Variants in SMG7 observed in about 807,000 individuals in gnomAD.
SMG7 encodes SMG7 nonsense mediated mRNA decay factor.
A neutral mutation model predicts 148.2 loss-of-function variants in SMG7; 34 were observed. The observed-to-expected ratio is 0.23, with a 90% CI of 0.17 to 0.31. The LOEUF (loss-of-function observed/expected upper bound fraction) is 0.31, where lower values mean the gene tolerates loss of function less well. SMG7 is among the 10% of genes least tolerant of loss of function. SMG7 has a pLI of 1.00. For synonymous variants in SMG7, 492 were observed against 515.1 expected, an observed-to-expected ratio of 0.96 and a Z score of 0.61; for missense variants, 1,114 against 1,408.4, an observed-to-expected ratio of 0.79 and a Z score of 3.35.
chr1:183,553,406 G>A lies in SMG7; in HGVS notation c.*1475G>A. On this transcript the variant is annotated 3_prime_UTR_variant, in exon 23 of 23. Transcript: ENST00000688051. ...CTCCTTTGTGTGTCTGTATGTTTGT[G>A]TACACACACGTGCCCATCTGCTGTC... 1 of 571,236 alleles carries A rather than the reference G, an allele frequency of 1.8e-6. No individual in the cohort carries two copies. Among genetic ancestry groups the A allele is most frequent in the Non-Finnish European group, 3.1e-6 (1 of 327,168 alleles). The allele number at this position is 571,236 out of a possible 1,614,324, so 35.4% of individuals were successfully genotyped here.
intron 10 of SMG7, among the ~76,000 whole-genome samples, chr1:183,536,509 C>T (rs949594693): frequency 6.6e-6 from 1 of 152,210 alleles, no homozygotes; most frequent in Non-Finnish European, 1.5e-5. Flanking sequence ...TAACATACCT[C>T]ACTCAGGAAC....
Position 183,542,519 on chromosome 1 carries a change from C to T in SMG7, c.1842+17C>T. ...GCAGTGCAGGTAAGCTGTATTTGAA[C>T]TATAAAGCAGGTAGAGGAAGGCTCA... is the stretch of plus-strand genomic sequence containing the variant. On this transcript the variant is annotated intron_variant, in intron 14 of 22. Transcript: ENST00000688051. 4 of 1,594,912 alleles carry T rather than the reference C, an allele frequency of 2.5e-6. No homozygotes were observed. The highest frequency in any genetic ancestry group is 3.4e-6 in the Non-Finnish European group (4 of 1,170,706).
At position 183,529,523 on chromosome 1, in the gene SMG7, A is replaced by G. The variant is rs146885503; in HGVS notation, c.833A>G (p.Glu278Gly). Residue 278 changes from glutamate (E) to glycine (G), a missense_variant, in exon 8 of 23, where the codon GAA (glutamate) becomes GGA (glycine). Physicochemically the swap from Glu to Gly is moderately conservative, Grantham distance 98. This residue lies in a region of SMG7 where 216 missense variants were observed against 329.1 expected (regional missense o/e 0.66). Transcript: ENST00000688051. The stretch of plus-strand genomic sequence containing the variant: ...AGCCCTCTTCGAGAGAAATTGGAAG[A>G]ACAGTTTAAGGTTAGATTTCAGAAA... ...KLSPLREKLE[E>G]QFKRLLFQKA... 72 of 1,612,306 alleles carry G rather than the reference A, an allele frequency of 4.5e-5. No homozygotes were observed. The African/African-American group carries it at 9.1e-4, about 20-fold the overall frequency.
At chr1:183,529,650 T>C (rs1666519608) in intron 8 of SMG7, 117 bp downstream of exon 8, 2 of 758,618 alleles carry the variant, frequency 2.6e-6, no homozygotes, top group Non-Finnish European at 4.2e-6. Context: ...TGGTAAAAAT[T>C]ATATTCGAAG....
intron 1 of SMG7, among the ~76,000 whole-genome samples, chr1:183,503,347 T>G (rs1421582149): frequency 6.6e-6 from 1 of 152,232 alleles, no homozygotes; most frequent in African/African-American, 2.4e-5. Context: ...TATAATTGTC[T>G]TGATATATCA....
At chr1:183,494,395 G>T (rs1229635872) in intron 1 of SMG7, among the ~76,000 whole-genome samples, 9 of 146,684 alleles carry the variant, frequency 6.1e-5, no homozygotes, top group Middle Eastern at 3.4e-3. Flanking sequence ...ACAATAAATT[G>T]ACTTTTAAAT....
chr1:183,512,994 A>G, intron 2 of SMG7, 126 bp downstream of exon 2: 1 of 781,170 alleles, frequency 1.3e-6, no homozygotes, highest in Non-Finnish European at 2.0e-6. Flanking sequence ...ATGATCATTT[A>G]CTATCTGCTT....
At chr1:183,502,228 T>C in intron 1 of SMG7, 1 of 1,414,098 alleles carries the variant, frequency 7.1e-7, no homozygotes, top group Non-Finnish European at 9.3e-7. Flanking sequence ...GGTTAACTCA[T>C]ATTTTCCTCC....
At chr1:183,511,611 A>G (rs1394810036) in intron 1 of SMG7, among the ~76,000 whole-genome samples, 1 of 152,180 alleles carries the variant, frequency 6.6e-6, no homozygotes, top group Non-Finnish European at 1.5e-5. Flanking sequence ...ATGTTGTAGG[A>G]CAGTTTAGAT....
chr1:183,488,214 G>A (rs1655978435), intron 1 of SMG7, among the ~76,000 whole-genome samples: 1 of 152,234 alleles, frequency 6.6e-6, no homozygotes, highest in Non-Finnish European at 1.5e-5. Flanking sequence ...AGTTGATAGA[G>A]GAAGGTGGGT....
In SMG7 at chr1:183,551,026, A is replaced by C. The variant is rs894159792; in HGVS notation, c.3305-19A>C. On this transcript the variant is annotated intron_variant, in intron 21 of 22. Coordinates refer to ENST00000688051, the MANE Select transcript of SMG7 (RefSeq NM_001375584.1). ...TAGAACATCTTCTTGAATTTTTCTTATCTCTTTTCATCCCTTAGCCATGGG... is the reference window on the plus strand; with the variant it reads ...TAGAACATCTTCTTGAATTTTTCTTCTCTCTTTTCATCCCTTAGCCATGGG... 1.9e-6 allele frequency: 3 copies of C among 1,613,728 alleles called. No homozygotes were observed. The highest frequency in any genetic ancestry group is 2.5e-6 in the Non-Finnish European group (3 of 1,179,936).
At position 183,527,138 on chromosome 1, in the gene SMG7, C is replaced by G. The variant is rs1291456926; in HGVS notation, c.484+371C>G. On this transcript the variant is annotated intron_variant, in intron 5 of 22. Coordinates refer to ENST00000688051, the MANE Select transcript of SMG7 (RefSeq NM_001375584.1). The surrounding 1 kb of genome is among the most constrained non-coding windows in gnomAD (Gnocchi z 4.0). ...ATAAATTACTCCTGAAGCGAAATTG[C>G]CTTCTTTCTTTCTTACCAATGGACT... Among the ~76,000 whole-genome samples, 4 of 152,080 alleles carry G rather than the reference C, an allele frequency of 2.6e-5. No homozygotes were observed. Among genetic ancestry groups the G allele is most frequent in the African/African-American group, 7.2e-5 (3 of 41,418 alleles).
At chr1:183,535,557 T>C (rs779807464) in intron 10 of SMG7, among the ~76,000 whole-genome samples, 3 of 152,334 alleles carry the variant, frequency 2.0e-5, no homozygotes, top group Admixed American at 6.5e-5. Flanking sequence ...TTTATATCTT[T>C]TAAGTAATGG....
intron 10 of SMG7, among the ~76,000 whole-genome samples, chr1:183,536,763 G>A (rs1667862915): frequency 6.6e-6 from 1 of 152,106 alleles, no homozygotes; most frequent in African/African-American, 2.4e-5. Context: ...ACTAACAGCG[G>A]CTTCCACAAC....
chr1:183,522,104 A>G (rs1664893367), intron 4 of SMG7, among the ~76,000 whole-genome samples: 1 of 152,190 alleles, frequency 6.6e-6, no homozygotes, highest in Non-Finnish European at 1.5e-5. Flanking sequence ...GTGAGCAGCT[A>G]GTCGAGTGGT....
At chr1:183,479,176 A>G (rs1374340826) in intron 1 of SMG7, among the ~76,000 whole-genome samples, 1 of 152,138 alleles carries the variant, frequency 6.6e-6, no homozygotes, top group Admixed American at 6.6e-5. Context: ...CTAATTGTCT[A>G]AGAAAATTTT....
chr1:183,545,058 A>T lies in SMG7; in HGVS notation c.2116A>T (p.Asn706Tyr). ...LQPTAHSPAGNQVQAGKQSHI... is the reference protein window; with the variant it reads ...LQPTAHSPAGYQVQAGKQSHI... ...GCCTACAGCTCACTCTCCAGCAGGA[A>T]ACCAGGTGCAAGCTGGGAAACAGTC... The change falls in exon 16 of 23, where the codon AAC becomes TAC. Residue 706 changes from asparagine (N) to tyrosine (Y), a missense_variant. By Grantham distance (143) the Asn-to-Tyr change is moderately radical. This residue lies in a region of SMG7 where 788 missense variants were observed against 894.5 expected (regional missense o/e 0.88). Transcript: ENST00000688051. 1 of 1,614,034 alleles carries T rather than the reference A, an allele frequency of 6.2e-7. No homozygotes were observed. The highest frequency in any genetic ancestry group is 8.5e-7 in the Non-Finnish European group (1 of 1,179,996).
intron 1 of SMG7, among the ~76,000 whole-genome samples, chr1:183,505,396 TC>T (rs535651560): frequency 8.3e-4 from 126 of 152,230 alleles, no homozygotes; most frequent in Non-Finnish European, 1.7e-3. Flanking sequence ...ACTCCACTCT[TC>T]CCTTGCTGTC....
At chr1:183,512,808 CTTT>C (rs59379855) in intron 1 of SMG7, 26 bp from the exon 2 acceptor site, 3,386 of 1,262,044 alleles carry the variant, frequency 2.7e-3, no homozygotes, top group Middle Eastern at 2.8e-3. Flanking sequence ...AACTGATACT[CTTT>C]TTTTTTTTTT....
Sources: allele counts gnomAD v4.1 joint callset (sites outside exome capture counted in the v4.1 genomes callset), GRCh38; gene constraint gnomAD v4.1.1; regional missense constraint gnomAD v4.1.1; non-coding constraint Gnocchi (gnomAD v3.1); transcripts MANE v1.5; gene names NCBI Gene and HGNC (gene_info 2026-07-23, HGNC 2026-07-21).